FARP2: variants seen among roughly 807,000 people sequenced by gnomAD.
FARP2 encodes the protein FERM, ARHGEF and pleckstrin domain-containing protein 2.
FARP2 carries 111 observed loss-of-function variants against 130.5 expected under a neutral mutation model. The ratio of observed to expected loss-of-function variants is 0.85; its 90% CI spans 0.73 to 1.00. The LOEUF is 1.00. Ranked by LOEUF, FARP2 falls within the 50% of genes least tolerant of loss-of-function variation. FARP2 has a pLI of 0.00. For missense variants in FARP2, 1,385 were observed against 1,346.3 expected, an observed-to-expected ratio of 1.03 and a Z score of -0.45; for synonymous variants, 504 against 516.9, an observed-to-expected ratio of 0.98 and a Z score of 0.34.
At position 241,494,394 on chromosome 2, in the gene FARP2, C is replaced by T. The variant is rs1574927902; in HGVS notation, c.*269C>T. On this transcript the variant is annotated 3_prime_UTR_variant, in exon 27 of 27. Transcript: ENST00000264042. The surrounding 1 kb of genome is among the most constrained non-coding windows in gnomAD (Gnocchi z 4.9). ...CCGCTCAAGCCACAGCTCCCAGGCCCCTGGCTCAAAGACGCAGACAAGGCC... is the reference window on the plus strand; with the variant it reads ...CCGCTCAAGCCACAGCTCCCAGGCCTCTGGCTCAAAGACGCAGACAAGGCC... 3.5e-6 allele frequency: 1 copy of T among 288,244 alleles called. No homozygotes were observed. Among genetic ancestry groups the T allele is most frequent in the East Asian group, 5.7e-5 (1 of 17,658 alleles). The allele number at this position is 288,244 out of a possible 1,614,324, so 17.9% of individuals were successfully genotyped here. A position where few individuals can be genotyped will look rare whatever the true frequency, so the allele number is the denominator to read the frequency against.
chr2:241,395,402 A>G (rs1438479492), intron 2 of FARP2: 2 of 152,202 alleles, frequency 1.3e-5, no homozygotes, highest in African/African-American at 2.4e-5. Context: ...ACATTTAGCT[A>G]TTCAAATTAA....
chr2:241,362,495 G>T (rs1040929663), intron 1 of FARP2, among the ~76,000 whole-genome samples: 1 of 151,990 alleles, frequency 6.6e-6, no homozygotes, highest in African/African-American at 2.4e-5. Context: ...CCAACTACTC[G>T]GGAGGCTGAG....
chr2:241,487,746 CT>C (rs1167750549), intron 21 of FARP2, among the ~76,000 whole-genome samples: 44 of 73,204 alleles, frequency 6.0e-4, no homozygotes, highest in Admixed American at 3.8e-3. Flanking sequence ...CTAGCCTACT[CT>C]TTTTTTTTTT....
chr2:241,471,610 C>A (rs539658926), intron 18 of FARP2, among the ~76,000 whole-genome samples: 1 of 150,912 alleles, frequency 6.6e-6, no homozygotes, highest in Non-Finnish European at 1.5e-5. Context: ...TCTCCTGCCT[C>A]AGCCTCCCGA....
At chr2:241,388,777 G>A (rs746621004) in intron 2 of FARP2, among the ~76,000 whole-genome samples, 7 of 151,582 alleles carry the variant, frequency 4.6e-5, no homozygotes, top group Admixed American at 1.3e-4. Flanking sequence ...GCAGTGAGCC[G>A]TGATCATGCC....
In FARP2 at chr2:241,418,093, G is replaced by A. The variant is rs2062722456; in HGVS notation, c.755G>A (p.Gly252Asp). 1 of 1,614,194 alleles carries A rather than the reference G, an allele frequency of 6.2e-7. No individual in the cohort carries two copies. Among genetic ancestry groups the A allele is most frequent in the Non-Finnish European group, 8.5e-7 (1 of 1,180,048 alleles). ...TKIQLAVSHM[G>D]VLVFQGTTKI... ...ATTCAACTGGCAGTTTCCCACATGG[G>A]TGTACTCGTGTTCCAGGTAGGCCAG... is the stretch of plus-strand genomic sequence containing the variant. The change falls in exon 8 of 27, where the codon GGT (glycine) becomes GAT (aspartate). Residue 252 changes from glycine (G) to aspartate (D), a missense_variant. Transcript: ENST00000264042.
At chr2:241,458,111 C>G (rs2063912604) in intron 14 of FARP2, among the ~76,000 whole-genome samples, 1 of 152,164 alleles carries the variant, frequency 6.6e-6, no homozygotes, top group South Asian at 2.1e-4. Flanking sequence ...GTGGCCTCCA[C>G]TCTCCTAGCC....
At chr2:241,418,157 T>C (rs759610022) in intron 8 of FARP2, 48 bp downstream of exon 8, 1 of 1,602,564 alleles carries the variant, frequency 6.2e-7, no homozygotes, top group South Asian at 1.1e-5. Flanking sequence ...GGGGAGGTTT[T>C]CTGCAACCTG....
At chr2:241,452,050 A>G (rs2063673204) in intron 13 of FARP2, among the ~76,000 whole-genome samples, 3 of 152,190 alleles carry the variant, frequency 2.0e-5, no homozygotes, top group African/African-American at 7.2e-5. Context: ...CCCGGCCAAC[A>G]TCTGCTTTTA....
At chr2:241,465,561 T>C (rs1393747036) in intron 17 of FARP2, 1 of 1,550,554 alleles carries the variant, frequency 6.4e-7, no homozygotes, top group Non-Finnish European at 8.7e-7. Flanking sequence ...TTCTCTTCAA[T>C]AGGAGCAACG....
chr2:241,416,826 T>C (rs1448378797), intron 7 of FARP2, among the ~76,000 whole-genome samples: 2 of 152,102 alleles, frequency 1.3e-5, no homozygotes, highest in Non-Finnish European at 2.9e-5. Context: ...AAAGGATCGC[T>C]TGAGCCTGGG....
chr2:241,445,810 GCA>G (rs1480744555), intron 13 of FARP2: 2 of 152,218 alleles, frequency 1.3e-5, no homozygotes, highest in African/African-American at 4.8e-5. Context: ...CCTTAAAGCC[GCA>G]CAGTTGTCAT....
At chr2:241,365,872 C>T (rs1004022924) in intron 1 of FARP2, among the ~76,000 whole-genome samples, 1 of 151,016 alleles carries the variant, frequency 6.6e-6, no homozygotes, top group Non-Finnish European at 1.5e-5. Flanking sequence ...ATGAGGTTCC[C>T]GTATCAAAAC....
rs752793433 is a variant in FARP2 at position 241,483,548 on chromosome 2, C to G, written c.2331+15C>G. 1.9e-6 allele frequency: 3 copies of G among 1,612,324 alleles called. No homozygotes were observed. Among genetic ancestry groups the G allele is most frequent in the Admixed American group, 1.7e-5 (1 of 60,012 alleles). On this transcript the variant is annotated intron_variant, in intron 20 of 26. Coordinates refer to ENST00000264042, the MANE Select transcript of FARP2 (RefSeq NM_014808.4). ...TGTTTTTTCTGGTAGGTTCTCTCCC[C>G]ACTCAAGCTGTGCTTCCCCCCGAGG... is the stretch of plus-strand genomic sequence containing the variant.
At chr2:241,453,831 T>C (rs1171425995) in intron 13 of FARP2, among the ~76,000 whole-genome samples, 2 of 124,738 alleles carry the variant, frequency 1.6e-5, no homozygotes, top group African/African-American at 3.0e-5. Flanking sequence ...TTGCCCAGGC[T>C]GGAGTGCAGT....
intron 20 of FARP2, chr2:241,483,813 G>A: frequency 1.0e-6 from 1 of 985,472 alleles, no homozygotes; most frequent in African/African-American, 1.7e-5. Context: ...CCAAAAGATT[G>A]TAAAGTCCAC....
chr2:241,418,474 G>T (rs1222705719), intron 8 of FARP2, among the ~76,000 whole-genome samples: 2 of 148,556 alleles, frequency 1.3e-5, no homozygotes, highest in African/African-American at 2.5e-5. Flanking sequence ...CCACAACCCT[G>T]TTTTTTTTCC....
chr2:241,493,058 C>A, intron 25 of FARP2, 22 bp downstream of exon 25: 1 of 1,356,578 alleles, frequency 7.4e-7, no homozygotes, highest in Non-Finnish European at 1.1e-6. Flanking sequence ...TCACTGGAGC[C>A]CAATGCAGGT....
intron 8 of FARP2, among the ~76,000 whole-genome samples, chr2:241,428,234 C>CTTTT (rs11397989): frequency 3.2e-5 from 4 of 124,972 alleles, no homozygotes; most frequent in South Asian, 2.5e-4. Context: ...CAATATTTTA[C>CTTTT]TTTTTTTTTT....
Sources: allele counts gnomAD v4.1 joint callset (sites outside exome capture counted in the v4.1 genomes callset), GRCh38; gene constraint gnomAD v4.1.1; non-coding constraint Gnocchi (gnomAD v3.1); transcripts MANE v1.5; gene names NCBI Gene and HGNC (gene_info 2026-07-23, HGNC 2026-07-21).